The following NDUFV3 variants were observed in gnomAD, a reference collection of about 807,000 sequenced individuals.
The protein encoded by NDUFV3 is NADH dehydrogenase [ubiquinone] flavoprotein 3, mitochondrial.
Under a neutral mutation model 37.5 loss-of-function variants are expected in NDUFV3, and 44 were observed. The observed-to-expected ratio is 1.17, with a 90% confidence interval of 0.92 to 1.51. The LOEUF is 1.51. Among genes scored for constraint, NDUFV3 ranks in the 40% most tolerant of loss-of-function variants. The pLI, the probability that NDUFV3 is intolerant of heterozygous loss-of-function variation, is 0.00. For missense variants in NDUFV3, 580 were observed against 580.4 expected (o/e 1.00, Z 0.01); for synonymous variants, 235 against 239.3 (o/e 0.98, Z 0.17).
At chr21:42,906,707 GT>G in intron 3 of NDUFV3, 1 of 335,874 alleles carries the variant, frequency 3.0e-6, no homozygotes, top group South Asian at 2.4e-5. Flanking sequence ...TGGGGCCGCG[GT>G]CTCACTAGGC....
chr21:42,905,415 C>T (rs8134542), intron 3 of NDUFV3, among the ~76,000 whole-genome samples: 27,954 of 152,190 alleles, frequency 0.18, 2,857 homozygotes, highest in Non-Finnish European at 0.21. Context: ...GCATACGCAT[C>T]CTTTCCCCTG....
In NDUFV3 at chr21:42,903,684, C is replaced by T. The variant is rs1244388256; in HGVS notation, c.672C>T (p.Pro224=). Residue 224 remains proline (P), a synonymous_variant, in exon 3 of 4, where the codon CCC becomes CCT. Transcript: ENST00000354250. ...TGGACATTACTGATCCAGAGAAGCCCCACCAGCCAAAGAAGAAAGGGTCCC... is the reference window on the plus strand; with the variant it reads ...TGGACATTACTGATCCAGAGAAGCCTCACCAGCCAAAGAAGAAAGGGTCCC... ...PHVDITDPEK[P]HQPKKKGSPA... 6.2e-7 allele frequency: 1 copy of T among 1,614,020 alleles called. No individual in the cohort carries two copies. The highest frequency in any genetic ancestry group is 1.1e-5 in the South Asian group (1 of 91,078).
intron 3 of NDUFV3, among the ~76,000 whole-genome samples, chr21:42,905,017 C>G (rs1450926838): frequency 6.6e-6 from 1 of 151,142 alleles, no homozygotes; most frequent in Non-Finnish European, 1.5e-5. Context: ...TCTCAATCTC[C>G]TGACCTCATG....
Position 42,894,559 on chromosome 21 carries a change from A to AT in NDUFV3, c.48+1179dup, listed in dbSNP as rs1255547010. Reference sequence around the variant, plus strand: ...TCATAATATAATATATAATATATATATATTTTTTTTTGAGACAGAGCCTCA... The same window carrying AT: ...TCATAATATAATATATAATATATATATTATTTTTTTTTGAGACAGAGCCTCA... On this transcript the variant is annotated intron_variant, in intron 1 of 3. Transcript: ENST00000354250. 7.0e-3 allele frequency among the ~76,000 whole-genome samples: 448 copies of AT among 63,726 alleles called. 5 individuals carry two copies. Among genetic ancestry groups the AT allele is most frequent in the African/African-American group, 0.036 (406 of 11,164 alleles). 41.8% of individuals were successfully genotyped at this position (63,726 alleles called of 152,430 possible). A position where few individuals can be genotyped will look rare whatever the true frequency, so the allele number is the denominator to read the frequency against.
At chr21:42,903,127 G>A in intron 2 of NDUFV3, 55 bp from the exon 3 acceptor site, 1 of 1,604,934 alleles carries the variant, frequency 6.2e-7, no homozygotes, top group South Asian at 1.1e-5. Context: ...CTGTAATTTT[G>A]ACTGAGTTTT....
At position 42,911,741 on chromosome 21, in the gene NDUFV3, G is replaced by T. The variant is rs1409035538; in HGVS notation, c.*2720G>T. 6.6e-6 allele frequency: 1 copy of T among 152,068 alleles called. No homozygotes were observed. The highest frequency in any genetic ancestry group is 1.5e-5 in the Non-Finnish European group (1 of 68,026). 9.4% of individuals were successfully genotyped at this position (152,068 alleles called of 1,614,324 possible). A position where few individuals can be genotyped will look rare whatever the true frequency, so the allele number is the denominator to read the frequency against. On this transcript the variant is annotated 3_prime_UTR_variant, in exon 4 of 4. Transcript: ENST00000354250. ...CAGGATTCCCCAGTGGTGGTGGTAG[G>T]TGTAACCATTTTAATGTACCTACAA...
At chr21:42,894,542 T>TA (rs1373150132) in intron 1 of NDUFV3, among the ~76,000 whole-genome samples, 11 of 76,104 alleles carry the variant, frequency 1.4e-4, no homozygotes, top group East Asian at 4.8e-4. Flanking sequence ...TATCATAATA[T>TA]AATATATAAT....
chr21:42,910,549 A>C lies in NDUFV3; in HGVS notation c.*1528A>C, dbSNP rs1013134009. On this transcript the variant is annotated 3_prime_UTR_variant, in exon 4 of 4. Coordinates refer to ENST00000354250, the MANE Select transcript of NDUFV3 (RefSeq NM_021075.4). ...GAAGTTTCGTGCAGTACAGGGACGGAGTAGGAAGAGGTGAAGTTTCGTGCA... is the reference window on the plus strand; with the variant it reads ...GAAGTTTCGTGCAGTACAGGGACGGCGTAGGAAGAGGTGAAGTTTCGTGCA... 6 of 144,756 alleles carry C rather than the reference A, an allele frequency of 4.1e-5. No homozygotes were observed. The highest frequency in any genetic ancestry group is 1.5e-4 in the African/African-American group (6 of 40,802). The allele number at this position is 144,756 out of a possible 1,614,324, so 9.0% of individuals were successfully genotyped here. A position where few individuals can be genotyped will look rare whatever the true frequency, so the allele number is the denominator to read the frequency against.
In NDUFV3 at chr21:42,894,456, G is replaced by A. The variant is rs1400267355; in HGVS notation, c.48+1075G>A. Among the ~76,000 whole-genome samples the A allele has an allele frequency of 4.2e-4, 15 of 35,840 alleles. No individual in the cohort carries two copies. The African/African-American group carries it at 4.2e-3, about 10-fold the overall frequency. 23.5% of individuals were successfully genotyped at this position (35,840 alleles called of 152,430 possible). A position where few individuals can be genotyped will look rare whatever the true frequency, so the allele number is the denominator to read the frequency against. On this transcript the variant is annotated intron_variant, in intron 1 of 3. Coordinates refer to ENST00000354250, the MANE Select transcript of NDUFV3 (RefSeq NM_021075.4). ...ATATATTATATAATATATATAATAT[G>A]TTTATATAAATATATATTATATATT... is the stretch of plus-strand genomic sequence containing the variant.
At chr21:42,904,389 A>G (rs1341487498) in intron 3 of NDUFV3, 113 bp downstream of exon 3, 7 of 1,426,276 alleles carry the variant, frequency 4.9e-6, no homozygotes, top group Non-Finnish European at 6.7e-6. Context: ...ATTCTGTACT[A>G]GAAATATGGC....
intron 2 of NDUFV3, among the ~76,000 whole-genome samples, chr21:42,900,433 G>A (rs1177426361): frequency 1.3e-5 from 2 of 152,228 alleles, no homozygotes; most frequent in African/African-American, 2.4e-5. Context: ...GACCCAGGAG[G>A]CAGAGGTTGC....
chr21:42,897,069 T>A lies in NDUFV3; in HGVS notation c.169+22T>A, dbSNP rs774955965. The A allele has an allele frequency of 3.7e-6, 6 of 1,612,950 alleles. 2 individuals are homozygous for A. The South Asian group carries it at 6.6e-5, about 18-fold the overall frequency. On this transcript the variant is annotated intron_variant, in intron 2 of 3. Transcript: ENST00000354250. ...AAAAGTAAGATTTTGATGGTAGTCA[T>A]AAGGGAAAGAGAATGCAAAAAGAAA...
intron 1 of NDUFV3, among the ~76,000 whole-genome samples, chr21:42,894,668 C>T (rs1380360691): frequency 1.4e-5 from 2 of 146,276 alleles, no homozygotes; most frequent in East Asian, 3.9e-4. Context: ...AAGCGACTCT[C>T]GTGCCTCAGC....
intron 3 of NDUFV3, among the ~76,000 whole-genome samples, chr21:42,904,609 A>G (rs1368205141): frequency 6.6e-6 from 1 of 150,856 alleles, no homozygotes; most frequent in Non-Finnish European, 1.5e-5. Context: ...CAGCCTCCCA[A>G]GTAGCTGAGA....
Position 42,910,693 on chromosome 21 carries a change from A to G in NDUFV3, c.*1672A>G, listed in dbSNP as rs1420467397. 5 of 59,870 alleles carry G rather than the reference A, an allele frequency of 8.4e-5. No individual in the cohort carries two copies. In the East Asian group the frequency reaches 1.8e-3, roughly 22 times the overall value. 3.7% of individuals were successfully genotyped at this position (59,870 alleles called of 1,614,324 possible). A position where few individuals can be genotyped will look rare whatever the true frequency, so the allele number is the denominator to read the frequency against. On this transcript the variant is annotated 3_prime_UTR_variant, in exon 4 of 4. Transcript: ENST00000354250. ...GAAGAGGTGAAGTTTCGTGCGGTGCAGGGACGGAGTAGGAAGAGGTGAAGT... is the reference window on the plus strand; with the variant it reads ...GAAGAGGTGAAGTTTCGTGCGGTGCGGGGACGGAGTAGGAAGAGGTGAAGT...
At chr21:42,898,064 T>C (rs2058701952) in intron 2 of NDUFV3, among the ~76,000 whole-genome samples, 1 of 152,224 alleles carries the variant, frequency 6.6e-6, no homozygotes, top group South Asian at 2.1e-4. Flanking sequence ...AGTTTGAATG[T>C]TTGAAAGTAT....
chr21:42,905,645 A>G (rs948883844), intron 3 of NDUFV3, among the ~76,000 whole-genome samples: 1 of 151,870 alleles, frequency 6.6e-6, no homozygotes, highest in Non-Finnish European at 1.5e-5. Context: ...CCTCCAAAGT[A>G]GCTGGGATTA....
Position 42,903,985 on chromosome 21 carries a change from A to C in NDUFV3, c.973A>C (p.Ser325Arg). 1.2e-6 allele frequency: 2 copies of C among 1,614,128 alleles called. No individual in the cohort carries two copies. Among genetic ancestry groups the C allele is most frequent in the Non-Finnish European group, 1.7e-6 (2 of 1,180,026 alleles). ...CAGAGCAGAGGGGCAGCTGCAAGCC[A>C]GTCCTCCTGGGGCGGCAGAGGGGCA... Reference protein sequence around the residue: ...EARAEGQLQASPPGAAEGHLE... With the variant: ...EARAEGQLQARPPGAAEGHLE... Residue 325 changes from serine to arginine, a missense_variant, in exon 3 of 4, where the codon AGT becomes CGT. Ser to Arg is a moderately radical substitution (Grantham distance 110, BLOSUM62 -1). Transcript: ENST00000354250.
At position 42,903,640 on chromosome 21, in the gene NDUFV3, T is replaced by G; in HGVS notation, c.628T>G (p.Leu210Val). ...RVTVSAKEKT[L>V]LQKPHVDITD... Reference sequence around the variant, plus strand: ...TACAGTATCAGCAAAAGAGAAAACCTTGCTGCAGAAGCCGCATGTGGACAT... The same window carrying G: ...TACAGTATCAGCAAAAGAGAAAACCGTGCTGCAGAAGCCGCATGTGGACAT... The change falls in exon 3 of 4, where the codon TTG becomes GTG. Residue 210 changes from leucine to valine, a missense_variant. Leu to Val is a conservative substitution (Grantham distance 32, BLOSUM62 1). Transcript: ENST00000354250. 6.2e-7 allele frequency: 1 copy of G among 1,613,868 alleles called. No individual in the cohort carries two copies. The highest frequency in any genetic ancestry group is 8.5e-7 in the Non-Finnish European group (1 of 1,179,986).
Sources: gnomAD v4.1 joint callset for allele counts (sites outside exome capture counted in the v4.1 genomes callset) on GRCh38, gnomAD v4.1.1 for gene constraint, MANE v1.5 for transcripts, NCBI Gene and HGNC (gene_info 2026-07-23, HGNC 2026-07-21) for gene names.